NEBL: variants seen among roughly 807,000 people sequenced by gnomAD.
The protein encoded by NEBL is LIM and SH3 protein 2.
A neutral mutation model predicts 140.2 loss-of-function variants in NEBL; 122 were observed. The ratio of observed to expected loss-of-function variants is 0.87; its 90% CI spans 0.75 to 1.01. The LOEUF (loss-of-function observed/expected upper bound fraction) is 1.01, where lower values mean the gene tolerates loss of function less well. NEBL is among the 50% of genes least tolerant of loss of function. NEBL has a pLI of 0.00. For synonymous variants in NEBL, 436 were observed against 398.9 expected, an observed-to-expected ratio of 1.09 and a Z score of -1.11; for missense variants, 1,365 against 1,231.3, an observed-to-expected ratio of 1.11 and a Z score of -1.62.
Position 21,054,103 on chromosome 10 carries a change from A to G in NEBL, c.165-33902T>C, listed in dbSNP as rs77685592. Among the ~76,000 whole-genome samples, 968 of 152,304 alleles carry G rather than the reference A, an allele frequency of 6.4e-3. 24 individuals are homozygous for G. In the East Asian group the frequency reaches 0.073, roughly 11 times the overall value. On this transcript the variant is annotated intron_variant, in intron 2 of 6. Coordinates refer to the NEBL transcript ENST00000417816. Reference sequence around the variant, plus strand: ...AGGATATCAGGGCAAAATGGACAAAATAGGAGAAAAATTGAAATTTTTGCA... The same window carrying G: ...AGGATATCAGGGCAAAATGGACAAAGTAGGAGAAAAATTGAAATTTTTGCA...
intron 3 of NEBL, among the ~76,000 whole-genome samples, chr10:21,229,228 C>A (rs1842211607): frequency 6.6e-6 from 1 of 152,124 alleles, no homozygotes; most frequent in Non-Finnish European, 1.5e-5. Flanking sequence ...ACAGACAAGC[C>A]TAGGCAACAT....
At chr10:21,167,800 T>C (rs1029760994) in intron 2 of NEBL, among the ~76,000 whole-genome samples, 4 of 152,228 alleles carry the variant, frequency 2.6e-5, no homozygotes, top group Admixed American at 6.5e-5. Context: ...TCATCAAGTG[T>C]TATTTTCTCG....
At chr10:20,991,663 G>C (rs1409573504) in intron 3 of NEBL, among the ~76,000 whole-genome samples, 3 of 151,134 alleles carry the variant, frequency 2.0e-5, no homozygotes, top group African/African-American at 7.3e-5. Flanking sequence ...TTTGTTACAT[G>C]GGTATGTTTC....
intron 2 of NEBL, among the ~76,000 whole-genome samples, chr10:21,098,671 G>A (rs192864): frequency 0.22 from 33,541 of 151,896 alleles, 3,958 homozygotes; most frequent in East Asian, 0.33. Flanking sequence ...ATTGTTACAG[G>A]AGCGCATAAA....
At chr10:21,124,737 G>A (rs968087184) in intron 2 of NEBL, among the ~76,000 whole-genome samples, 1 of 152,204 alleles carries the variant, frequency 6.6e-6, no homozygotes, top group Non-Finnish European at 1.5e-5. Context: ...AGGATTGCTT[G>A]AAGGCTAGGA....
At chr10:21,243,291 G>A (rs964566303) in intron 3 of NEBL, among the ~76,000 whole-genome samples, 2 of 146,940 alleles carry the variant, frequency 1.4e-5, no homozygotes, top group South Asian at 2.1e-4. Flanking sequence ...CTGGGTGATT[G>A]AGCATTCTTT....
chr10:21,188,885 C>T (rs991451622), intron 3 of NEBL, among the ~76,000 whole-genome samples: 10 of 151,920 alleles, frequency 6.6e-5, no homozygotes, highest in South Asian at 2.1e-4. Flanking sequence ...CTACCACGTT[C>T]GGCTGTGAAT....
Position 20,785,642 on chromosome 10 carries a change from T to C in NEBL, c.*105A>G. 1 of 1,298,736 alleles carries C rather than the reference T, an allele frequency of 7.7e-7. No homozygotes were observed. The highest frequency in any genetic ancestry group is 2.5e-5 in the East Asian group (1 of 39,760). The allele number at this position is 1,298,736 out of a possible 1,614,324, so 80.5% of individuals were successfully genotyped here. A position where few individuals can be genotyped will look rare whatever the true frequency, so the allele number is the denominator to read the frequency against. ...GTCTAATTGTCAAAGGAAGGATACA[T>C]CATTGTAAAATAATGGCCAAGTTGT... is the stretch of plus-strand genomic sequence containing the variant. On this transcript the variant is annotated 3_prime_UTR_variant, in exon 28 of 28. Coordinates refer to ENST00000377122, the MANE Select transcript of NEBL (RefSeq NM_006393.3).
intron 25 of NEBL, 112 bp downstream of exon 25, chr10:20,809,688 TGCCAAA>T: frequency 7.0e-6 from 6 of 853,346 alleles, no homozygotes; most frequent in African/African-American, 3.4e-5. Flanking sequence ...TTTTTTGGTT[TGCCAAA>T]TTCTCAGCTT....
At chr10:21,122,877 T>A (rs1282892744) in intron 2 of NEBL, among the ~76,000 whole-genome samples, 1 of 152,192 alleles carries the variant, frequency 6.6e-6, no homozygotes, top group African/African-American at 2.4e-5. Context: ...TATATGCCTT[T>A]ATTTCCTAGT....
intron 3 of NEBL, among the ~76,000 whole-genome samples, chr10:21,213,623 A>G (rs1168497490): frequency 6.6e-6 from 1 of 152,222 alleles, no homozygotes; most frequent in African/African-American, 2.4e-5. Flanking sequence ...AGCAATGAGA[A>G]TGTCCCGAGG....
At chr10:21,110,061 G>T (rs1370744574) in intron 2 of NEBL, among the ~76,000 whole-genome samples, 2 of 151,964 alleles carry the variant, frequency 1.3e-5, no homozygotes, top group African/African-American at 4.8e-5. Context: ...GAATGTGTCT[G>T]CTCCTGCTTC....
intron 3 of NEBL, among the ~76,000 whole-genome samples, chr10:20,964,178 C>A (rs762152120): frequency 1.3e-5 from 2 of 152,022 alleles, no homozygotes; most frequent in Non-Finnish European, 2.9e-5. Context: ...CCTCATCCAG[C>A]CAAAAAGGAC....
At chr10:21,076,631 A>G (rs1303032069) in intron 2 of NEBL, among the ~76,000 whole-genome samples, 1 of 152,170 alleles carries the variant, frequency 6.6e-6, no homozygotes, top group Non-Finnish European at 1.5e-5. Flanking sequence ...CAATGAATGA[A>G]TCAGAAAACA....
intron 9 of NEBL, 116 bp downstream of exon 9, chr10:20,858,124 A>G (rs1843273182): frequency 3.8e-6 from 3 of 785,806 alleles, no homozygotes; most frequent in Non-Finnish European, 6.6e-6. Flanking sequence ...TTAGTTAACG[A>G]GGGAGGAGTG....
intron 4 of NEBL, among the ~76,000 whole-genome samples, chr10:20,927,633 T>G (rs1232076548): frequency 2.0e-5 from 3 of 152,226 alleles, no homozygotes; most frequent in Non-Finnish European, 4.4e-5. Flanking sequence ...AGTGTTCGTG[T>G]AAATATCCTT....
At chr10:20,997,044 T>G (rs149718922) in intron 3 of NEBL, among the ~76,000 whole-genome samples, 1 of 152,220 alleles carries the variant, frequency 6.6e-6, no homozygotes, top group Non-Finnish European at 1.5e-5. Flanking sequence ...AAAATCCATC[T>G]TTCTACACTG....
At chr10:21,018,008 G>C (rs1838627802) in intron 3 of NEBL, among the ~76,000 whole-genome samples, 1 of 151,910 alleles carries the variant, frequency 6.6e-6, no homozygotes, top group African/African-American at 2.4e-5. Flanking sequence ...TTTTTGTAGG[G>C]ATGAGGTTTC....
intron 4 of NEBL, among the ~76,000 whole-genome samples, chr10:20,927,486 C>T (rs1167417390): frequency 6.6e-6 from 1 of 152,092 alleles, no homozygotes. Context: ...AGCCTATGAG[C>T]TTAAGGACAA....
Sources: allele counts gnomAD v4.1 joint callset (sites outside exome capture counted in the v4.1 genomes callset), GRCh38; gene constraint gnomAD v4.1.1; transcripts MANE v1.5; gene names NCBI Gene and HGNC (gene_info 2026-07-23, HGNC 2026-07-21).